Variants in ZNF283 observed in about 807,000 individuals in gnomAD.
ZNF283 encodes the protein zinc finger protein 283.
Under a neutral mutation model 9.2 loss-of-function variants are expected in ZNF283, and 10 were observed. The observed-to-expected ratio is 1.09, with a 90% CI of 0.67 to 1.85. ZNF283 has a LOEUF of 1.85. Ranked by LOEUF, ZNF283 falls within the 40% of genes most tolerant of loss-of-function variation. The probability of loss-of-function intolerance (pLI) is 0.00; values close to 1 mark genes in which losing one functional copy is unlikely to be tolerated. For synonymous variants in ZNF283, 234 were observed against 244.1 expected, an observed-to-expected ratio of 0.96 and a Z score of 0.38; for missense variants, 631 against 760.1, an observed-to-expected ratio of 0.83 and a Z score of 2.00.
chr19:43,843,236 G>A (rs1459284991), intron 6 of ZNF283, among the ~76,000 whole-genome samples: 1 of 152,166 alleles, frequency 6.6e-6, no homozygotes, highest in East Asian at 1.9e-4. Flanking sequence ...AGCTACTCGG[G>A]AGGCTGAGGC....
chr19:43,848,656 A>G lies in ZNF283; in HGVS notation c.*15A>G. 1 of 1,528,592 alleles carries G rather than the reference A, an allele frequency of 6.5e-7. No individual in the cohort carries two copies. Among genetic ancestry groups the G allele is most frequent in the Non-Finnish European group, 8.8e-7 (1 of 1,138,376 alleles). 94.7% of individuals were successfully genotyped at this position (1,528,592 alleles called of 1,614,324 possible). On this transcript the variant is annotated 3_prime_UTR_variant, in exon 7 of 7. Transcript: ENST00000618787. Reference sequence around the variant, plus strand: ...AAACCTTATGATTGAAAGTTGTAAAAGAATATTTTGTGTGTGTGTATAGAC... The same window carrying G: ...AAACCTTATGATTGAAAGTTGTAAAGGAATATTTTGTGTGTGTGTATAGAC...
At chr19:43,835,073 G>A (rs933430012) in intron 4 of ZNF283, among the ~76,000 whole-genome samples, 3 of 152,126 alleles carry the variant, frequency 2.0e-5, no homozygotes, top group Non-Finnish European at 2.9e-5. Flanking sequence ...ATTGCATGAT[G>A]TTCTGCGTCA....
Position 43,846,944 on chromosome 19 carries a change from G to T in ZNF283, c.343G>T (p.Glu115Ter), listed in dbSNP as rs1393699438. The T allele has an allele frequency of 6.6e-7, 1 of 1,520,790 alleles. No homozygotes were observed. The allele number at this position is 1,520,790 out of a possible 1,614,324, so 94.2% of individuals were successfully genotyped here. A position where few individuals can be genotyped will look rare whatever the true frequency, so the allele number is the denominator to read the frequency against. ...NYSNLVSLDL[E>*]SKTYETKKIF... is the part of the protein sequence containing the mutation. ...GTTTTCTTGTTTTCTTTCAGATTTG[G>T]AGTCAAAAACGTATGAGACCAAAAA... Residue 115 changes from glutamate (E) to a stop codon, truncating the protein, a stop_gained, in exon 7 of 7, where the codon GAG becomes TAG. Transcript: ENST00000618787. LOFTEE classifies it low-confidence loss of function (END_TRUNC).
chr19:43,846,878 T>TG, intron 6 of ZNF283, 61 bp from the exon 7 acceptor site: 4 of 209,716 alleles, frequency 1.9e-5, no homozygotes, highest in East Asian at 1.1e-4. Context: ...TCTACTGTAG[T>TG]TTTTTTTTTT....
chr19:43,839,520 AT>A (rs1225473881), intron 6 of ZNF283, among the ~76,000 whole-genome samples: 2 of 151,194 alleles, frequency 1.3e-5, no homozygotes, highest in Admixed American at 6.6e-5. Context: ...TTTTCTTCAA[AT>A]TTTTTTCTCT....
intron 3 of ZNF283, among the ~76,000 whole-genome samples, chr19:43,831,734 T>C (rs1412410511): frequency 6.6e-6 from 1 of 152,176 alleles, no homozygotes; most frequent in East Asian, 1.9e-4. Flanking sequence ...GCTCAAGCGA[T>C]CCTCCCACCT....
At chr19:43,835,289 G>T (rs151047484) in intron 4 of ZNF283, among the ~76,000 whole-genome samples, 72 of 152,238 alleles carry the variant, frequency 4.7e-4, no homozygotes, top group African/African-American at 1.6e-3. Context: ...CTGAATTGTC[G>T]AATCCCAGGT....
intron 5 of ZNF283, among the ~76,000 whole-genome samples, chr19:43,836,154 C>T (rs1176900449): frequency 1.3e-5 from 2 of 152,090 alleles, no homozygotes; most frequent in East Asian, 1.9e-4. Context: ...AGTGACTAAG[C>T]TCATATATTG....
chr19:43,831,545 A>C (rs1360707870), intron 3 of ZNF283, among the ~76,000 whole-genome samples, 164 bp downstream of exon 3: 1 of 152,190 alleles, frequency 6.6e-6, no homozygotes, highest in African/African-American at 2.4e-5. Flanking sequence ...CCAAAAAAAA[A>C]ACTCAGCGGT....
At position 43,851,881 on chromosome 19, in the gene ZNF283, A is replaced by C. The variant is rs1451358154; in HGVS notation, c.*3240A>C. The C allele has an allele frequency of 2.0e-5, 3 of 152,238 alleles. No individual in the cohort carries two copies. Among genetic ancestry groups the C allele is most frequent in the African/African-American group, 7.2e-5 (3 of 41,462 alleles). 9.4% of individuals were successfully genotyped at this position (152,238 alleles called of 1,614,324 possible). Reference sequence around the variant, plus strand: ...GCATTGGGAACTGCTGCTATAACCAAAAGAGAATTTCAGTCACCATGTCTG... The same window carrying C: ...GCATTGGGAACTGCTGCTATAACCACAAGAGAATTTCAGTCACCATGTCTG... On this transcript the variant is annotated 3_prime_UTR_variant, in exon 7 of 7. Transcript: ENST00000618787.
At chr19:43,831,085 G>C (rs552374187) in intron 2 of ZNF283, among the ~76,000 whole-genome samples, 7 of 152,136 alleles carry the variant, frequency 4.6e-5, no homozygotes, top group African/African-American at 1.7e-4. Flanking sequence ...GAACAAAAGT[G>C]CTCAAGAATA....
At chr19:43,831,131 G>A (rs1970690632) in intron 2 of ZNF283, among the ~76,000 whole-genome samples, 187 bp from the exon 3 acceptor site, 1 of 152,158 alleles carries the variant, frequency 6.6e-6, no homozygotes, top group African/African-American at 2.4e-5. Flanking sequence ...ATAAGACACG[G>A]TTTTGGAAGA....
Position 43,833,523 on chromosome 19 carries a change from GC to G in ZNF283, c.22del (p.Gln8ArgfsTer28). The part of the protein sequence containing the change: MESRSV[A>X]QAGVQWCDLG... Reference sequence around the variant, plus strand: ...TTTTCAGATGGAGTCTCGCTCTGTCGCCCAGGCTGGAGTGCAGTGGTGCGAT... The same window carrying G: ...TTTTCAGATGGAGTCTCGCTCTGTCGCCAGGCTGGAGTGCAGTGGTGCGAT... On this transcript the variant is annotated frameshift_variant, in exon 4 of 7. Coordinates refer to ENST00000618787, the MANE Select transcript of ZNF283 (RefSeq NM_181845.2). LOFTEE classifies it high-confidence loss of function. 1 of 158,536 alleles carries G rather than the reference GC, an allele frequency of 6.3e-6. No individual in the cohort carries two copies. The highest frequency in any genetic ancestry group is 1.2e-5 in the Non-Finnish European group (1 of 85,472). 9.8% of individuals were successfully genotyped at this position (158,536 alleles called of 1,614,324 possible).
At chr19:43,839,407 TA>T (rs1971110182) in intron 6 of ZNF283, among the ~76,000 whole-genome samples, 1 of 152,178 alleles carries the variant, frequency 6.6e-6, no homozygotes, top group South Asian at 2.1e-4. Context: ...AATTTGACAA[TA>T]ATGTGTCTAG....
intron 6 of ZNF283, among the ~76,000 whole-genome samples, chr19:43,845,288 C>G (rs1971361782): frequency 6.6e-6 from 1 of 152,080 alleles, no homozygotes; most frequent in Non-Finnish European, 1.5e-5. Flanking sequence ...TTTCTAGTAT[C>G]TTTTGTAAGC....
intron 6 of ZNF283, among the ~76,000 whole-genome samples, chr19:43,840,166 A>G (rs1210542454): frequency 1.3e-5 from 2 of 152,100 alleles, no homozygotes; most frequent in Admixed American, 1.3e-4. Flanking sequence ...TTTCTGTTCC[A>G]TCATCTCTAC....
intron 6 of ZNF283, among the ~76,000 whole-genome samples, chr19:43,842,463 C>G (rs1971249855): frequency 7.7e-6 from 1 of 129,830 alleles, no homozygotes; most frequent in Middle Eastern, 3.6e-3. Flanking sequence ...ATTTTATTAT[C>G]TTCCTAATAG....
intron 3 of ZNF283, among the ~76,000 whole-genome samples, chr19:43,832,093 T>C (rs1429296235): frequency 6.6e-6 from 1 of 152,178 alleles, no homozygotes; most frequent in Non-Finnish European, 1.5e-5. Flanking sequence ...CTAGGTTTTA[T>C]GTTAATCTTG....
chr19:43,832,361 G>A (rs1349108441), intron 3 of ZNF283, among the ~76,000 whole-genome samples: 1 of 152,172 alleles, frequency 6.6e-6, no homozygotes, highest in Non-Finnish European at 1.5e-5. Flanking sequence ...GAATAAGAAG[G>A]TTCTTGTTGT....
Sources: allele counts gnomAD v4.1 joint callset (sites outside exome capture counted in the v4.1 genomes callset), GRCh38; gene constraint gnomAD v4.1.1; transcripts MANE v1.5; gene names NCBI Gene and HGNC (gene_info 2026-07-23, HGNC 2026-07-21).